Variants in CAB39 observed in about 807,000 individuals in gnomAD.
CAB39 encodes calcium-binding protein 39.
In CAB39, 8 loss-of-function variants were observed where a neutral mutation model predicts 40.0. The observed-to-expected ratio is 0.20, with a 90% CI of 0.12 to 0.36. The LOEUF (loss-of-function observed/expected upper bound fraction) is 0.36. Among genes scored for constraint, CAB39 ranks in the 10% least tolerant of loss-of-function variants. The pLI is 1.00. For missense variants in CAB39, 270 were observed against 401.1 expected, an observed-to-expected ratio of 0.67 and a Z score of 2.79; for synonymous variants, 156 against 141.6, an observed-to-expected ratio of 1.10 and a Z score of -0.72.
At chr2:230,772,488 T>A (rs886223340) in intron 2 of CAB39, among the ~76,000 whole-genome samples, 11 of 95,866 alleles carry the variant, frequency 1.1e-4, no homozygotes, top group African/African-American at 1.0e-3. Context: ...GTTTGGCAGG[T>A]TTTTTTTTTT....
chr2:230,793,990 C>T (rs1408189204), intron 4 of CAB39, among the ~76,000 whole-genome samples: 1 of 152,232 alleles, frequency 6.6e-6, no homozygotes, highest in Non-Finnish European at 1.5e-5. Context: ...GCCTCATTGA[C>T]TGGCAAGGTA....
intron 5 of CAB39, 83 bp downstream of exon 5, chr2:230,798,980 T>C (rs1476965623): frequency 2.0e-6 from 2 of 1,017,484 alleles, no homozygotes; most frequent in African/African-American, 3.2e-5. Context: ...CTCCTAAATC[T>C]ACACGTGGCT....
intron 1 of CAB39, among the ~76,000 whole-genome samples, chr2:230,726,994 A>G (rs1028369096): frequency 6.6e-6 from 1 of 151,348 alleles, no homozygotes; most frequent in Non-Finnish European, 1.5e-5. Flanking sequence ...GGCTTTTGTT[A>G]TCATTGAGAA....
chr2:230,789,151 TCTG>T lies in CAB39; in HGVS notation c.115-1717_115-1715del, dbSNP rs1207753899. On this transcript the variant is annotated intron_variant, in intron 2 of 8. Coordinates refer to ENST00000258418, the MANE Select transcript of CAB39 (RefSeq NM_016289.4). ...TAACCTATTCTTATCTACTATCTAATCTGCTGTTAATCCCATCTGGTATAATTT... is the reference window on the plus strand; with the variant it reads ...TAACCTATTCTTATCTACTATCTAATCTGTTAATCCCATCTGGTATAATTT... Among the ~76,000 whole-genome samples, 3 of 152,344 alleles carry T rather than the reference TCTG, an allele frequency of 2.0e-5. No homozygotes were observed. In the East Asian group the frequency reaches 5.8e-4, roughly 29 times the overall value.
At chr2:230,808,061 CTTTTCT>C (rs1696234173) in intron 5 of CAB39, among the ~76,000 whole-genome samples, 1 of 149,138 alleles carries the variant, frequency 6.7e-6, no homozygotes, top group African/African-American at 2.5e-5. Flanking sequence ...TTTTTCTTTT[CTTTTCT>C]TTTCTTTTCT....
chr2:230,817,516 T>A (rs1696422356), intron 7 of CAB39, among the ~76,000 whole-genome samples: 1 of 152,086 alleles, frequency 6.6e-6, no homozygotes, highest in Admixed American at 6.5e-5. Flanking sequence ...GAACATCCTC[T>A]GCAGAGAGAA....
At chr2:230,782,813 C>CTTTCTTTCTTTCTTTTT (rs1286339069) in intron 2 of CAB39, among the ~76,000 whole-genome samples, 1 of 81,766 alleles carries the variant, frequency 1.2e-5, no homozygotes, top group African/African-American at 6.3e-5. Flanking sequence ...TTCTTTCTTT[C>CTTTCTTTCTTTCTTTTT]TTTTTTTTTT....
chr2:230,799,007 A>T, intron 5 of CAB39, 110 bp downstream of exon 5: 2 of 714,708 alleles, frequency 2.8e-6, no homozygotes, highest in Non-Finnish European at 4.5e-6. Flanking sequence ...TAGTGGGAAG[A>T]GAAAGATACA....
At position 230,820,281 on chromosome 2, in the gene CAB39, T is replaced by C. The variant is rs1469675638; in HGVS notation, c.*1577T>C. ...CTAGCCTCTCTTACTAATGGAATTATATACTGGCCAGTAAAATGGGCCTCC... is the reference window on the plus strand; with the variant it reads ...CTAGCCTCTCTTACTAATGGAATTACATACTGGCCAGTAAAATGGGCCTCC... On this transcript the variant is annotated 3_prime_UTR_variant, in exon 9 of 9. Transcript: ENST00000258418. 6.6e-6 allele frequency: 1 copy of C among 152,256 alleles called. No homozygotes were observed. Among genetic ancestry groups the C allele is most frequent in the African/African-American group, 2.4e-5 (1 of 41,458 alleles). The allele number at this position is 152,256 out of a possible 1,614,324, so 9.4% of individuals were successfully genotyped here.
In CAB39 at chr2:230,818,842, T is replaced by A; in HGVS notation, c.*138T>A. The A allele has an allele frequency of 1.5e-6, 1 of 689,030 alleles. No homozygotes were observed. Among genetic ancestry groups the A allele is most frequent in the Non-Finnish European group, 2.4e-6 (1 of 416,046 alleles). The allele number at this position is 689,030 out of a possible 1,614,324, so 42.7% of individuals were successfully genotyped here. On this transcript the variant is annotated 3_prime_UTR_variant, in exon 9 of 9. Transcript: ENST00000258418. ...AACGGTTTTTCATTTTACCCTTTTG[T>A]TTTTCAGTCCAGGTTGGAGATCGTA...
intron 2 of CAB39, among the ~76,000 whole-genome samples, chr2:230,783,492 A>G (rs1575944312): frequency 1.1e-5 from 1 of 91,942 alleles, no homozygotes; most frequent in Non-Finnish European, 2.5e-5. Flanking sequence ...GTTTTGAGAC[A>G]GGGTCTTGCT....
At chr2:230,740,615 T>C (rs1311285711) in intron 1 of CAB39, among the ~76,000 whole-genome samples, 1 of 152,130 alleles carries the variant, frequency 6.6e-6, no homozygotes. Flanking sequence ...CCTCAGACCA[T>C]CAAGCATTAG....
chr2:230,777,608 A>G (rs907888494), intron 2 of CAB39, among the ~76,000 whole-genome samples: 1 of 151,940 alleles, frequency 6.6e-6, no homozygotes, highest in African/African-American at 2.4e-5. Context: ...GGGTTTCACC[A>G]TGTTGGCCAG....
intron 1 of CAB39, among the ~76,000 whole-genome samples, chr2:230,727,308 A>G (rs141456040): frequency 1.3e-4 from 20 of 151,636 alleles, no homozygotes; most frequent in Non-Finnish European, 2.7e-4. Context: ...AAATGTGTGT[A>G]AATATTTAAA....
Position 230,818,811 on chromosome 2 carries a change from TAAGTG to T in CAB39, c.*110_*114del. ...AGGAACATTACTGCTAATCTGCTGT[TAAGTG>T]AACGGTTTTTCATTTTACCCTTTTG... On this transcript the variant is annotated 3_prime_UTR_variant, in exon 9 of 9. Coordinates refer to ENST00000258418, the MANE Select transcript of CAB39 (RefSeq NM_016289.4). 1.1e-6 allele frequency: 1 copy of T among 886,358 alleles called. No individual in the cohort carries two copies. The allele number at this position is 886,358 out of a possible 1,614,324, so 54.9% of individuals were successfully genotyped here. A position where few individuals can be genotyped will look rare whatever the true frequency, so the allele number is the denominator to read the frequency against.
chr2:230,814,300 T>A (rs1696360932), intron 7 of CAB39, among the ~76,000 whole-genome samples, 186 bp downstream of exon 7: 1 of 152,158 alleles, frequency 6.6e-6, no homozygotes, highest in Non-Finnish European at 1.5e-5. Context: ...ACTTTCCTGC[T>A]TCCTAGTAAG....
At chr2:230,732,292 C>A (rs576830449) in intron 1 of CAB39, among the ~76,000 whole-genome samples, 85 of 152,234 alleles carry the variant, frequency 5.6e-4, no homozygotes, top group African/African-American at 2.0e-3. Context: ...CTGTGTTAGC[C>A]AGGATGGTCT....
intron 1 of CAB39, among the ~76,000 whole-genome samples, chr2:230,716,005 G>GT (rs141205082): frequency 2.7e-3 from 404 of 152,194 alleles, no homozygotes; most frequent in Non-Finnish European, 4.3e-3. Flanking sequence ...CTGGATATCT[G>GT]TTTTTTTATT....
rs1559617370 is a variant in CAB39, at chr2:230,806,329, C to T, written c.568-3934C>T. On this transcript the variant is annotated intron_variant, in intron 5 of 8. Coordinates refer to ENST00000258418, the MANE Select transcript of CAB39 (RefSeq NM_016289.4). ...ACTTTGAGTAAACAATTTTGAATAC[C>T]CCCAATACAATTAAGCAGTATGATA... 4.6e-5 allele frequency among the ~76,000 whole-genome samples: 7 copies of T among 152,124 alleles called. No homozygotes were observed. The South Asian group carries it at 6.2e-4, about 14-fold the overall frequency.
Sources: allele counts gnomAD v4.1 joint callset (sites outside exome capture counted in the v4.1 genomes callset), GRCh38; gene constraint gnomAD v4.1.1; transcripts MANE v1.5; gene names NCBI Gene and HGNC (gene_info 2026-07-23, HGNC 2026-07-21).